Variants in CNTN6 observed in about 807,000 individuals in gnomAD.
CNTN6 encodes contactin 6.
Under a neutral mutation model 122.8 loss-of-function variants are expected in CNTN6, and 137 were observed. The ratio of observed to expected loss-of-function variants is 1.12; its 90% CI spans 0.97 to 1.29. The LOEUF (loss-of-function observed/expected upper bound fraction) is 1.29. Among genes scored for constraint, CNTN6 ranks in the 50% most tolerant of loss-of-function variants. The probability of loss-of-function intolerance (pLI) is 0.00; values close to 1 mark genes in which losing one functional copy is unlikely to be tolerated. For missense variants in CNTN6, 1,634 were observed against 1,223.4 expected (o/e 1.34, Z -5.01); for synonymous variants, 570 against 426.0 (o/e 1.34, Z -4.16).
In CNTN6 at chr3:1,403,363, T is replaced by C. The variant is rs770886733; in HGVS notation, c.3032T>C (p.Phe1011Ser). The C allele has an allele frequency of 1.9e-6, 3 of 1,611,710 alleles. No individual in the cohort carries two copies. Among genetic ancestry groups the C allele is most frequent in the Admixed American group, 1.7e-5 (1 of 59,862 alleles). ...CAATTCTTAGAACCTAGCACCCATT[T>C]TCTTTCCATTGTCATTGTGATTTTT... Reference protein sequence around the residue: ...GIQFLEPSTHFLSIVIVIFHC... With the variant: ...GIQFLEPSTHSLSIVIVIFHC... Residue 1011 changes from phenylalanine (F) to serine (S), a missense_variant, in exon 23 of 23, where the codon TTT becomes TCT. By Grantham distance (155) the Phe-to-Ser change is radical. Transcript: ENST00000446702.
At chr3:1,305,428 A>G (rs1698198418) in intron 7 of CNTN6, among the ~76,000 whole-genome samples, 1 of 152,214 alleles carries the variant, frequency 6.6e-6, no homozygotes, top group African/African-American at 2.4e-5. Flanking sequence ...TTCAACTCTC[A>G]GCTTTGTCTC....
At chr3:1,391,931 C>G (rs992521121) in intron 20 of CNTN6, among the ~76,000 whole-genome samples, 5 of 152,272 alleles carry the variant, frequency 3.3e-5, no homozygotes, top group South Asian at 2.1e-4. Context: ...GAAGAACATT[C>G]CATGCTCATG....
intron 17 of CNTN6, among the ~76,000 whole-genome samples, chr3:1,378,148 G>A (rs1284761177): frequency 1.3e-5 from 2 of 152,106 alleles, no homozygotes; most frequent in African/African-American, 4.8e-5. Context: ...TGACCCACTT[G>A]CATGGGTTTC....
chr3:1,137,098 C>T (rs2092495405), intron 1 of CNTN6, among the ~76,000 whole-genome samples: 2 of 152,180 alleles, frequency 1.3e-5, no homozygotes, highest in Middle Eastern at 3.2e-3. Context: ...TCTTGTCACA[C>T]AATCTTAAAG....
chr3:1,280,459 A>ATTTTTT (rs71619483), intron 5 of CNTN6, among the ~76,000 whole-genome samples: 10,568 of 65,756 alleles, frequency 0.16, 2,437 homozygotes, highest in South Asian at 0.34. Context: ...TGTAATACCA[A>ATTTTTT]TTTTTTTTTT....
intron 4 of CNTN6, among the ~76,000 whole-genome samples, chr3:1,244,570 G>A (rs1342633292): frequency 1.3e-5 from 2 of 152,174 alleles, no homozygotes; most frequent in Admixed American, 6.5e-5. Flanking sequence ...GCAGGAGGAC[G>A]GGGGATTGAT....
intron 1 of CNTN6, among the ~76,000 whole-genome samples, chr3:1,121,899 C>T (rs529300325): frequency 2.6e-5 from 4 of 151,938 alleles, no homozygotes; most frequent in South Asian, 2.1e-4. Flanking sequence ...AGAATATCAG[C>T]ATAATTAAGT....
At chr3:1,226,430 C>G (rs1037547069) in intron 3 of CNTN6, among the ~76,000 whole-genome samples, 15 of 152,082 alleles carry the variant, frequency 9.9e-5, no homozygotes, top group Non-Finnish European at 2.1e-4. Context: ...ATAGCAGAAG[C>G]AGGAAGATCA....
At chr3:1,370,296 A>C (rs993253408) in intron 12 of CNTN6, among the ~76,000 whole-genome samples, 1 of 152,000 alleles carries the variant, frequency 6.6e-6, no homozygotes, top group Non-Finnish European at 1.5e-5. Flanking sequence ...GGAATTGAAC[A>C]ATGAGAACAC....
chr3:1,280,527 C>CA (rs1392191278), intron 5 of CNTN6, among the ~76,000 whole-genome samples: 1 of 125,968 alleles, frequency 7.9e-6, no homozygotes, highest in Admixed American at 9.9e-5. Flanking sequence ...TGCAGTGGCT[C>CA]GATCTTGGCT....
intron 12 of CNTN6, among the ~76,000 whole-genome samples, chr3:1,369,354 A>G (rs897844604): frequency 2.1e-5 from 3 of 143,734 alleles, no homozygotes; most frequent in Non-Finnish European, 4.5e-5. Context: ...GTGAAGCAAC[A>G]CTCCTTATCT....
At chr3:1,396,483 C>G (rs1157226364) in intron 20 of CNTN6, among the ~76,000 whole-genome samples, 1 of 152,106 alleles carries the variant, frequency 6.6e-6, no homozygotes, top group African/African-American at 2.4e-5. Context: ...TGTGCCAGAT[C>G]TAATTATTTG....
At chr3:1,353,079 C>T (rs114585727) in intron 12 of CNTN6, among the ~76,000 whole-genome samples, 149 of 151,744 alleles carry the variant, frequency 9.8e-4, no homozygotes, top group African/African-American at 3.4e-3. Flanking sequence ...ACATTTATCA[C>T]CAAGGACATA....
At chr3:1,347,060 T>C (rs1704841312) in intron 11 of CNTN6, among the ~76,000 whole-genome samples, 1 of 152,170 alleles carries the variant, frequency 6.6e-6, no homozygotes, top group Admixed American at 6.5e-5. Context: ...TATTTATACG[T>C]TATTGGCTTA....
At chr3:1,118,629 A>T (rs1164003358) in intron 1 of CNTN6, among the ~76,000 whole-genome samples, 1 of 152,188 alleles carries the variant, frequency 6.6e-6, no homozygotes, top group Non-Finnish European at 1.5e-5. Context: ...GAAAGAATTA[A>T]TAAAGATTTA....
chr3:1,143,306 T>C (rs2092654437), intron 1 of CNTN6, among the ~76,000 whole-genome samples: 1 of 152,124 alleles, frequency 6.6e-6, no homozygotes. Flanking sequence ...CAAGAAAAAG[T>C]AAATACACGT....
At chr3:1,364,416 A>G (rs1292291490) in intron 12 of CNTN6, among the ~76,000 whole-genome samples, 3 of 151,834 alleles carry the variant, frequency 2.0e-5, no homozygotes, top group South Asian at 2.1e-4. Context: ...ACTTTTGTCT[A>G]TCCTTTGAGA....
At chr3:1,159,566 T>A (rs1215316123) in intron 2 of CNTN6, among the ~76,000 whole-genome samples, 1 of 152,102 alleles carries the variant, frequency 6.6e-6, no homozygotes, top group Non-Finnish European at 1.5e-5. Flanking sequence ...GGGACTATTA[T>A]ATATAGAATT....
intron 11 of CNTN6, among the ~76,000 whole-genome samples, chr3:1,335,400 G>A (rs1339948771): frequency 6.6e-6 from 1 of 152,182 alleles, no homozygotes; most frequent in Non-Finnish European, 1.5e-5. Flanking sequence ...TCAGGCAACT[G>A]AGGGAATCAA....
Sources: gnomAD v4.1 joint callset for allele counts (sites outside exome capture counted in the v4.1 genomes callset) on GRCh38, gnomAD v4.1.1 for gene constraint, MANE v1.5 for transcripts, NCBI Gene and HGNC (gene_info 2026-07-23, HGNC 2026-07-21) for gene names.